SMURF1: variants seen among roughly 807,000 people sequenced by gnomAD.
SMURF1 encodes the protein SMAD specific E3 ubiquitin protein ligase 1.
In SMURF1, 44 loss-of-function variants were observed where a neutral mutation model predicts 98.0. That is an observed-to-expected ratio of 0.45 (90% CI 0.35 to 0.58). SMURF1 has a LOEUF of 0.58. Among genes scored for constraint, SMURF1 ranks in the 20% least tolerant of loss-of-function variants. SMURF1 has a pLI of 0.00. For missense variants in SMURF1, 687 were observed against 938.4 expected, an observed-to-expected ratio of 0.73 and a Z score of 3.50; for synonymous variants, 396 against 374.9, an observed-to-expected ratio of 1.06 and a Z score of -0.65.
At chr7:99,056,725 G>A (rs1039189719) in intron 5 of SMURF1, among the ~76,000 whole-genome samples, 10 of 152,158 alleles carry the variant, frequency 6.6e-5, no homozygotes, top group African/African-American at 9.7e-5. Flanking sequence ...GAAGGGGGCC[G>A]GGCATGGTGG....
chr7:99,049,279 G>A, intron 9 of SMURF1: 1 of 373,124 alleles, frequency 2.7e-6, no homozygotes, highest in Non-Finnish European at 5.0e-6. Context: ...TGAGAGCGCT[G>A]CGTGCGGAAA....
At chr7:99,055,902 G>GT (rs1306680395) in intron 5 of SMURF1, among the ~76,000 whole-genome samples, 3 of 152,106 alleles carry the variant, frequency 2.0e-5, no homozygotes, top group Non-Finnish European at 2.9e-5. Flanking sequence ...GGAGGCGGAG[G>GT]TTGCAGTGAG....
intron 11 of SMURF1, among the ~76,000 whole-genome samples, chr7:99,043,692 C>G (rs1795469369): frequency 6.6e-6 from 1 of 152,192 alleles, no homozygotes. Flanking sequence ...GACAAGTGTT[C>G]CGCTGTGTGT....
At chr7:99,096,239 A>T (rs996018989) in intron 1 of SMURF1, among the ~76,000 whole-genome samples, 1 of 152,172 alleles carries the variant, frequency 6.6e-6, no homozygotes, top group Non-Finnish European at 1.5e-5. Flanking sequence ...AACAAATAGC[A>T]CTGCAAAGGT....
intron 1 of SMURF1, among the ~76,000 whole-genome samples, chr7:99,108,281 G>C (rs955923526): frequency 6.6e-6 from 1 of 151,510 alleles, no homozygotes; most frequent in African/African-American, 2.4e-5. Flanking sequence ...GCAGTGGCGC[G>C]ATCTTGGCTC....
chr7:99,030,548 G>A lies in SMURF1; in HGVS notation c.*36C>T. 1 of 1,573,708 alleles carries A rather than the reference G, an allele frequency of 6.4e-7. No homozygotes were observed. Among genetic ancestry groups the A allele is most frequent in the Non-Finnish European group, 8.7e-7 (1 of 1,144,144 alleles). ...AGAAGCTGGATGCTTTTGGTCTGGT[G>A]GCCATGAGCTAGACTCTGTTGCCTT... On this transcript the variant is annotated 3_prime_UTR_variant, in exon 18 of 18. Transcript: ENST00000361368.
chr7:99,036,936 A>T, intron 15 of SMURF1, 131 bp downstream of exon 15: 1 of 1,371,286 alleles, frequency 7.3e-7, no homozygotes, highest in Non-Finnish European at 1.0e-6. Context: ...CCCTGGCTCT[A>T]GTCTGGGAAC....
At chr7:99,115,572 G>T (rs2150610988) in intron 1 of SMURF1, among the ~76,000 whole-genome samples, 1 of 152,208 alleles carries the variant, frequency 6.6e-6, no homozygotes, top group East Asian at 1.9e-4. Flanking sequence ...GTGAGACCCT[G>T]TCTTGAAAGA....
chr7:99,062,193 AT>A (rs11295323), intron 1 of SMURF1, among the ~76,000 whole-genome samples: 81,760 of 150,810 alleles, frequency 0.54, 24,282 homozygotes, highest in Non-Finnish European at 0.66. Flanking sequence ...CTCCTGGGTG[AT>A]TCAAGCAATC....
chr7:99,050,686 G>T, intron 8 of SMURF1: 1 of 403,064 alleles, frequency 2.5e-6, no homozygotes, highest in Non-Finnish European at 4.5e-6. Flanking sequence ...TCATTCATTT[G>T]CAGGTAATAT....
chr7:99,055,792 C>T (rs1338743386), intron 5 of SMURF1, among the ~76,000 whole-genome samples: 1 of 152,140 alleles, frequency 6.6e-6, no homozygotes, highest in Non-Finnish European at 1.5e-5. Flanking sequence ...TGGCAAAACC[C>T]CGTCTCCACT....
At chr7:99,109,415 ACCCT>A (rs1344015466) in intron 1 of SMURF1, among the ~76,000 whole-genome samples, 1 of 151,894 alleles carries the variant, frequency 6.6e-6, no homozygotes, top group African/African-American at 2.4e-5. Context: ...CAGGTCACAA[ACCCT>A]CCCTAGGGGT....
chr7:99,128,017 A>G (rs1464599142), intron 1 of SMURF1, among the ~76,000 whole-genome samples: 2 of 152,222 alleles, frequency 1.3e-5, no homozygotes, highest in African/African-American at 4.8e-5. Context: ...TAAAATAAAA[A>G]GGTACTTTTT....
chr7:99,040,289 A>ACACACGCGCG, intron 13 of SMURF1, 89 bp downstream of exon 13: 1 of 1,260,852 alleles, frequency 7.9e-7, no homozygotes. Flanking sequence ...CAAAATACAC[A>ACACACGCGCG]CACACGCGCG....
chr7:99,038,348 G>T (rs771888272), intron 14 of SMURF1, 40 bp downstream of exon 14: 1 of 1,607,360 alleles, frequency 6.2e-7, no homozygotes, highest in South Asian at 1.1e-5. Flanking sequence ...AGGCTCAGCC[G>T]CGCCCCAGGC....
chr7:99,057,090 T>TCTG, intron 5 of SMURF1, 115 bp downstream of exon 5: 1 of 1,037,748 alleles, frequency 9.6e-7, no homozygotes, highest in Admixed American at 1.8e-5. Flanking sequence ...CCGTACGTGG[T>TCTG]CTGTCCTCTG....
At chr7:99,129,618 C>T (rs1199886846) in intron 1 of SMURF1, among the ~76,000 whole-genome samples, 1 of 152,210 alleles carries the variant, frequency 6.6e-6, no homozygotes, top group Non-Finnish European at 1.5e-5. Context: ...TCTCAAACTC[C>T]TGGGCTCAAG....
At position 99,030,700 on chromosome 7, in the gene SMURF1, G is replaced by C; in HGVS notation, c.2097-17C>G. ...CGGTTAAAGCTGAAAAAGGACAAAA[G>C]AGAGTCACCGTGTGGGCAGTCCAGC... On this transcript the variant is annotated splice_polypyrimidine_tract_variant and intron_variant, in intron 17 of 17. Coordinates refer to ENST00000361368, the MANE Select transcript of SMURF1 (RefSeq NM_181349.3). 2.5e-6 allele frequency: 4 copies of C among 1,610,464 alleles called. No individual in the cohort carries two copies. Among genetic ancestry groups the C allele is most frequent in the Non-Finnish European group, 1.7e-6 (2 of 1,177,344 alleles).
intron 1 of SMURF1, among the ~76,000 whole-genome samples, chr7:99,118,723 T>C (rs1335910161): frequency 6.6e-6 from 1 of 152,216 alleles, no homozygotes; most frequent in Non-Finnish European, 1.5e-5. Context: ...TGGTGATGGT[T>C]GTACAACACT....
Sources: allele counts gnomAD v4.1 joint callset (sites outside exome capture counted in the v4.1 genomes callset), GRCh38; gene constraint gnomAD v4.1.1; transcripts MANE v1.5; gene names NCBI Gene and HGNC (gene_info 2026-07-23, HGNC 2026-07-21).